NBPF8: variants seen among roughly 807,000 people sequenced by gnomAD.
NBPF8 encodes the protein NBPF family member NBPF8.
At chr1:120,456,223 G>T (rs1281186189) in intron 16 of NBPF8, among the ~76,000 whole-genome samples, 1 of 151,322 alleles carries the variant, frequency 6.6e-6, no homozygotes, top group Non-Finnish European at 1.5e-5. Flanking sequence ...ATGTGGTGCT[G>T]AGAAGAATGT....
intron 3 of NBPF8, among the ~76,000 whole-genome samples, chr1:120,429,464 C>A (rs1440591437): frequency 1.3e-5 from 2 of 150,772 alleles, no homozygotes; most frequent in Non-Finnish European, 3.0e-5. Context: ...CATGGATTTG[C>A]CCTCCCTGCT....
intron 3 of NBPF8, among the ~76,000 whole-genome samples, chr1:120,428,589 G>A (rs1256751263): frequency 6.6e-6 from 1 of 152,164 alleles, no homozygotes; most frequent in South Asian, 2.1e-4. Flanking sequence ...GAAGCATCTT[G>A]CAGAAGCAAA....
At chr1:120,464,384 G>C (rs1661683212) in exon 23 of NBPF8, 1 of 768,866 alleles carries the variant, frequency 1.3e-6, no homozygotes, top group Non-Finnish European at 2.4e-6. Context: ...AGGCTCAGCA[G>C]GGAGCTGCTG....
chr1:120,452,032 A>T lies in NBPF8; in HGVS notation n.2075-85A>T, dbSNP rs1170677420. On this transcript the variant is annotated intron_variant and non_coding_transcript_variant, in intron 12 of 24. Transcript: ENST00000583271. The stretch of plus-strand genomic sequence containing the variant: ...TCTGTTTCAAGGTCTCCTTGAGGAC[A>T]TTGTCTCAGAAGTCTCTGTTGCAAT... 9 of 1,405,110 alleles carry T rather than the reference A, an allele frequency of 6.4e-6. No individual in the cohort carries two copies. In the African/African-American group the frequency reaches 1.3e-4, roughly 20 times the overall value. 87.0% of individuals were successfully genotyped at this position (1,405,110 alleles called of 1,614,324 possible).
At chr1:120,431,254 T>A (rs1431934387) in intron 3 of NBPF8, among the ~76,000 whole-genome samples, 14 of 23,428 alleles carry the variant, frequency 6.0e-4, no homozygotes, top group Non-Finnish European at 1.0e-3. Flanking sequence ...CACACAAACG[T>A]GTGTGTGTGT....
chr1:120,420,830 C>T (rs4082685), intron 1 of NBPF8, among the ~76,000 whole-genome samples: 9 of 149,022 alleles, frequency 6.0e-5, no homozygotes, highest in African/African-American at 7.6e-5. Context: ...GACCCCATAA[C>T]GAGTAAATCT....
At chr1:120,451,077 GA>G (rs2101676015) in intron 11 of NBPF8, 102 bp from the exon 10 acceptor site, 1 of 511,852 alleles carries the variant, frequency 2.0e-6, no homozygotes, top group East Asian at 3.6e-5. Context: ...TGGTACTGGG[GA>G]GAGTTTTGTC....
At chr1:120,469,579 AG>A (rs1437358433), downstream of NBPF8, among the ~76,000 whole-genome samples, 1 of 152,094 alleles carries the variant, frequency 6.6e-6, no homozygotes, top group African/African-American at 2.4e-5. Flanking sequence ...TTGTTCTCTT[AG>A]TACTGTTGAG....
downstream of NBPF8, among the ~76,000 whole-genome samples, chr1:120,467,949 A>T (rs1553250929): frequency 6.9e-3 from 1,004 of 145,018 alleles, 10 homozygotes; most frequent in Middle Eastern, 0.014. Context: ...CGTGAGTGTG[A>T]GAGTGTGTGT....
upstream of NBPF8, among the ~76,000 whole-genome samples, chr1:120,417,789 T>C (rs1660470530): frequency 6.9e-6 from 1 of 145,368 alleles, no homozygotes; most frequent in East Asian, 2.0e-4. Flanking sequence ...TTTGTAGAGA[T>C]GGGGATTCAA....
chr1:120,469,662 G>A (rs1279904404), downstream of NBPF8, among the ~76,000 whole-genome samples: 1 of 151,184 alleles, frequency 6.6e-6, no homozygotes, highest in East Asian at 1.9e-4. Flanking sequence ...TGATAATAAA[G>A]AACACTTTAC....
rs1170027984 is a variant in NBPF8 at position 120,422,813 on chromosome 1, G to A, written n.269+2695G>A. Among the ~76,000 whole-genome samples, 4 of 108,474 alleles carry A rather than the reference G, an allele frequency of 3.7e-5. 1 individual carries two copies. Among genetic ancestry groups the A allele is most frequent in the Admixed American group, 1.6e-4 (2 of 12,450 alleles). 71.2% of individuals were successfully genotyped at this position (108,474 alleles called of 152,430 possible). On this transcript the variant is annotated intron_variant and non_coding_transcript_variant, in intron 1 of 28. Coordinates refer to the NBPF8 transcript ENST00000652355. Reference sequence around the variant, plus strand: ...TTCGACAGCATTTGGTGTGTTCACCGTTTTGTGTTTTAGCCATTCTGATAG... The same window carrying A: ...TTCGACAGCATTTGGTGTGTTCACCATTTTGTGTTTTAGCCATTCTGATAG...
intron 3 of NBPF8, among the ~76,000 whole-genome samples, chr1:120,429,557 G>C (rs1660818933): frequency 6.6e-6 from 1 of 152,106 alleles, no homozygotes; most frequent in Non-Finnish European, 1.5e-5. Flanking sequence ...GGATTTCCTT[G>C]AGAGGCAGGG....
chr1:120,468,027 C>G (rs1459376307), downstream of NBPF8, among the ~76,000 whole-genome samples: 1 of 151,604 alleles, frequency 6.6e-6, no homozygotes, highest in East Asian at 2.0e-4. Flanking sequence ...TTAAATATTG[C>G]ACTAAAAATG....
Position 120,451,294 on chromosome 1 carries a change from C to G in NBPF8, n.2074+12C>G. 2 of 368,866 alleles carry G rather than the reference C, an allele frequency of 5.4e-6. 1 individual carries two copies. 22.8% of individuals were successfully genotyped at this position (368,866 alleles called of 1,614,324 possible). A position where few individuals can be genotyped will look rare whatever the true frequency, so the allele number is the denominator to read the frequency against. On this transcript the variant is annotated intron_variant and non_coding_transcript_variant, in intron 12 of 24. Coordinates refer to ENST00000583271, the Ensembl canonical transcript of NBPF8. ...GCTGAGGAGCTCAGGTGAGGGGACC[C>G]CATGGGGGCAGGCAGGGGGCAGGTG...
rs1661209696 is a variant in NBPF8 at position 120,449,804 on chromosome 1, C to T, written n.1971+402C>T. Among the ~76,000 whole-genome samples the T allele has an allele frequency of 2.0e-5, 3 of 152,086 alleles. No homozygotes were observed. The South Asian group carries it at 6.2e-4, about 32-fold the overall frequency. On this transcript the variant is annotated intron_variant and non_coding_transcript_variant, in intron 11 of 24. Coordinates refer to ENST00000583271, the Ensembl canonical transcript of NBPF8. Reference sequence around the variant, plus strand: ...ATTCAGTTCAAGTTTCTGTTGAGGCCCAACAGACAAAGCTCTGTTCTAGTG... The same window carrying T: ...ATTCAGTTCAAGTTTCTGTTGAGGCTCAACAGACAAAGCTCTGTTCTAGTG...
chr1:120,464,407 C>A, exon 23 of NBPF8: 2 of 717,758 alleles, frequency 2.8e-6, no homozygotes, highest in Non-Finnish European at 5.1e-6. Context: ...GGTAGTAGAG[C>A]CTGAAGTCTT....
intron 16 of NBPF8, among the ~76,000 whole-genome samples, chr1:120,456,924 G>A (rs1553249738): frequency 6.7e-6 from 1 of 149,322 alleles, no homozygotes; most frequent in Non-Finnish European, 1.5e-5. Flanking sequence ...TCCATGTTTA[G>A]TGCTTCCTTT....
At chr1:120,467,792 C>CTGAT (rs1220813965), downstream of NBPF8, 3 of 152,078 alleles carry the variant, frequency 2.0e-5, no homozygotes, top group Non-Finnish European at 2.9e-5. Context: ...TTTGATTATG[C>CTGAT]TGATTGGTTT....
Sources: gnomAD v4.1 joint callset for allele counts (sites outside exome capture counted in the v4.1 genomes callset) on GRCh38, gnomAD v4.1.1 for gene constraint, MANE v1.5 for transcripts, NCBI Gene and HGNC (gene_info 2026-07-23, HGNC 2026-07-21) for gene names.